The following AMD1 variants were observed in gnomAD, a reference collection of about 807,000 sequenced individuals.
AMD1 encodes the protein adenosylmethionine decarboxylase 1.
A neutral mutation model predicts 40.2 loss-of-function variants in AMD1; 11 were observed. The ratio of observed to expected loss-of-function variants is 0.27; its 90% confidence interval spans 0.17 to 0.45. The LOEUF (loss-of-function observed/expected upper bound fraction) is 0.45. Ranked by LOEUF, AMD1 falls within the 20% of genes least tolerant of loss-of-function variation. The pLI, the probability that AMD1 is intolerant of heterozygous loss-of-function variation, is 1.00. For missense variants in AMD1, 257 were observed against 410.2 expected (o/e 0.63, Z 3.23); for synonymous variants, 121 against 130.8 (o/e 0.93, Z 0.51).
chr6:110,858,865 G>A, the AMD1 span: 1 of 795,182 alleles, frequency 1.3e-6, no homozygotes, highest in Non-Finnish European at 2.3e-6. Flanking sequence ...TCAGCCTCCA[G>A]ATGGGTACAA....
the AMD1 span, chr6:110,814,846 G>C: frequency 1.1e-6 from 1 of 894,556 alleles, no homozygotes; most frequent in Non-Finnish European, 1.7e-6. Flanking sequence ...GGGGAGGCGG[G>C]CGGAACGGGC....
chr6:110,861,175 G>A, the AMD1 span, among the ~76,000 whole-genome samples: 3 of 151,968 alleles, frequency 2.0e-5, no homozygotes, highest in Non-Finnish European at 4.4e-5. Flanking sequence ...TGGCTAACAT[G>A]GTGAAACCTT....
intron 1 of AMD1, among the ~76,000 whole-genome samples, chr6:110,879,918 T>A (rs951520650): frequency 6.6e-6 from 1 of 152,160 alleles, no homozygotes; most frequent in Admixed American, 6.5e-5. Context: ...TTCAGGTGAT[T>A]AGAGCATAAC....
chr6:110,821,886 A>G, the AMD1 span, among the ~76,000 whole-genome samples: 7,243 of 152,314 alleles, frequency 0.048, 182 homozygotes, highest in Middle Eastern at 0.078. Context: ...ACAAATTGAC[A>G]ACCTAACATC....
At chr6:110,844,577 C>T in the AMD1 span, among the ~76,000 whole-genome samples, 1 of 151,708 alleles carries the variant, frequency 6.6e-6, no homozygotes, top group Non-Finnish European at 1.5e-5. Flanking sequence ...GTCAGGAGAT[C>T]GAGACCATCG....
the AMD1 span, among the ~76,000 whole-genome samples, chr6:110,843,991 A>T: frequency 3.0e-4 from 46 of 152,162 alleles, no homozygotes; most frequent in Non-Finnish European, 5.3e-4. Context: ...TTCCATCTGC[A>T]ATCTAAATCC....
At chr6:110,892,475 C>T in intron 6 of AMD1, 32 bp downstream of exon 6, 1 of 1,609,706 alleles carries the variant, frequency 6.2e-7, no homozygotes, top group African/African-American at 1.3e-5. Context: ...TGTTGCTGGA[C>T]TCTTCTGCGT....
chr6:110,885,202 C>G (rs1455315289), intron 1 of AMD1, among the ~76,000 whole-genome samples: 1 of 152,108 alleles, frequency 6.6e-6, no homozygotes, highest in Non-Finnish European at 1.5e-5. Context: ...CTGCAATCTC[C>G]ATCTCCCGCA....
chr6:110,848,775 G>A, the AMD1 span: 1 of 233,570 alleles, frequency 4.3e-6, no homozygotes. Context: ...ACCAAAGTGG[G>A]AGTATTGCTT....
upstream of AMD1, among the ~76,000 whole-genome samples, chr6:110,870,094 A>G (rs1239171769): frequency 6.6e-6 from 1 of 152,180 alleles, no homozygotes; most frequent in Non-Finnish European, 1.5e-5. Flanking sequence ...CAGATTTGTG[A>G]AACCAGAGGC....
chr6:110,893,647 A>G lies in AMD1; in HGVS notation c.*31A>G. ...AAAAATGAAGAAAAAACGCAAAAAG[A>G]GAACACATGTAGAAGGTGGTGGATG... On this transcript the variant is annotated 3_prime_UTR_variant, in exon 9 of 9. Transcript: ENST00000368885. The G allele has an allele frequency of 6.2e-7, 1 of 1,605,292 alleles. No homozygotes were observed. The highest frequency in any genetic ancestry group is 8.5e-7 in the Non-Finnish European group (1 of 1,178,972).
chr6:110,858,700 C>T, the AMD1 span: 15 of 796,358 alleles, frequency 1.9e-5, no homozygotes, highest in Non-Finnish European at 3.0e-5. Context: ...AGCCGAACTT[C>T]GACGACGCCA....
chr6:110,836,144 A>T, the AMD1 span, among the ~76,000 whole-genome samples: 1 of 152,122 alleles, frequency 6.6e-6, no homozygotes, highest in Non-Finnish European at 1.5e-5. Context: ...GCAATCTGGC[A>T]ATAGGAATAC....
intron 1 of AMD1, chr6:110,875,447 G>A (rs1785045059): frequency 2.1e-6 from 1 of 475,168 alleles, no homozygotes; most frequent in Admixed American, 4.1e-5. Context: ...ATTGCCCTGG[G>A]GGAGGGGAGG....
At chr6:110,834,031 C>T in the AMD1 span, among the ~76,000 whole-genome samples, 3 of 152,086 alleles carry the variant, frequency 2.0e-5, no homozygotes, top group African/African-American at 7.2e-5. Flanking sequence ...GCAGCCTGGA[C>T]TTCCCGGGCT....
At chr6:110,822,653 C>A in the AMD1 span, among the ~76,000 whole-genome samples, 3 of 152,130 alleles carry the variant, frequency 2.0e-5, no homozygotes, top group African/African-American at 7.2e-5. Context: ...AGACAAATAT[C>A]CCTGATGAAC....
the AMD1 span, among the ~76,000 whole-genome samples, chr6:110,832,806 C>T: frequency 6.6e-6 from 1 of 151,948 alleles, no homozygotes; most frequent in Non-Finnish European, 1.5e-5. Context: ...TTGTTCCATC[C>T]ACTTTTTGTT....
upstream of AMD1, among the ~76,000 whole-genome samples, chr6:110,870,383 G>C (rs1420172194): frequency 6.6e-6 from 1 of 152,178 alleles, no homozygotes; most frequent in South Asian, 2.1e-4. Flanking sequence ...CCAGCACTCT[G>C]GGAGGTTGAG....
the AMD1 span, among the ~76,000 whole-genome samples, chr6:110,841,524 C>T: frequency 1.2e-4 from 18 of 152,210 alleles, no homozygotes; most frequent in African/African-American, 3.9e-4. Flanking sequence ...TAAGCAACTT[C>T]CTCTTTTCCT....
Sources: gnomAD v4.1 joint callset for allele counts (sites outside exome capture counted in the v4.1 genomes callset) on GRCh38, gnomAD v4.1.1 for gene constraint, MANE v1.5 for transcripts, NCBI Gene and HGNC (gene_info 2026-07-23, HGNC 2026-07-21) for gene names.